Variants in CATSPERB observed in about 807,000 individuals in gnomAD.
CATSPERB encodes cation channel sperm-associated auxiliary subunit beta.
A neutral mutation model predicts 128.3 loss-of-function variants in CATSPERB; 93 were observed. The ratio of observed to expected loss-of-function variants is 0.72; its 90% confidence interval spans 0.61 to 0.86. CATSPERB has a LOEUF of 0.86. Among genes scored for constraint, CATSPERB ranks in the 40% least tolerant of loss-of-function variants. CATSPERB has a pLI of 0.00. For missense variants in CATSPERB, 1,153 were observed against 1,329.5 expected (o/e 0.87, Z 2.06); for synonymous variants, 381 against 448.8 (o/e 0.85, Z 1.91).
chr14:91,639,045 G>A, intron 16 of CATSPERB, 51 bp downstream of exon 16: 2 of 1,442,840 alleles, frequency 1.4e-6, no homozygotes, highest in Non-Finnish European at 9.7e-7. Context: ...TATTGAATGT[G>A]GCATCTATTC....
chr14:91,681,060 G>C (rs997832576), intron 11 of CATSPERB, among the ~76,000 whole-genome samples: 1 of 152,098 alleles, frequency 6.6e-6, no homozygotes, highest in African/African-American at 2.4e-5. Context: ...CAAGGTAAAC[G>C]GAGTCATATG....
At chr14:91,708,336 C>T (rs1344410743) in intron 5 of CATSPERB, 100 bp from the exon 6 acceptor site, 14 of 693,712 alleles carry the variant, frequency 2.0e-5, no homozygotes, top group Non-Finnish European at 3.2e-5. Flanking sequence ...ATAGCCTTTC[C>T]TTTTCCAACC....
intron 20 of CATSPERB, among the ~76,000 whole-genome samples, chr14:91,616,817 C>G (rs893455226): frequency 1.5e-5 from 2 of 137,790 alleles, no homozygotes; most frequent in African/African-American, 5.4e-5. Context: ...TCTCGGTTCA[C>G]TGCAACCTCT....
intron 18 of CATSPERB, among the ~76,000 whole-genome samples, chr14:91,622,796 T>A (rs1211540422): frequency 2.0e-5 from 3 of 152,106 alleles, no homozygotes; most frequent in African/African-American, 7.2e-5. Context: ...CTTTATTCAC[T>A]GTCTCCACTC....
chr14:91,627,461 T>C (rs909803785), intron 17 of CATSPERB, among the ~76,000 whole-genome samples: 1 of 152,180 alleles, frequency 6.6e-6, no homozygotes, highest in Non-Finnish European at 1.5e-5. Context: ...GCATTGTGCT[T>C]ACATGCAGGA....
At chr14:91,726,441 T>G (rs920032096) in intron 2 of CATSPERB, among the ~76,000 whole-genome samples, 1 of 152,132 alleles carries the variant, frequency 6.6e-6, no homozygotes, top group Non-Finnish European at 1.5e-5. Context: ...GCCAGGGAAC[T>G]CTCCCGTTTC....
chr14:91,669,785 A>T, intron 14 of CATSPERB, 29 bp downstream of exon 14: 3 of 1,590,950 alleles, frequency 1.9e-6, no homozygotes, highest in Non-Finnish European at 2.6e-6. Flanking sequence ...TTTAACTCTA[A>T]CACAGACTGA....
At chr14:91,673,867 G>GTCT (rs1240641164) in intron 12 of CATSPERB, among the ~76,000 whole-genome samples, 3 of 145,922 alleles carry the variant, frequency 2.1e-5, no homozygotes, top group Non-Finnish European at 3.0e-5. Flanking sequence ...TGGAGACAGA[G>GTCT]CGAGACTCTG....
At chr14:91,622,063 G>A in intron 18 of CATSPERB, 126 bp from the exon 19 acceptor site, 1 of 579,604 alleles carries the variant, frequency 1.7e-6, no homozygotes, top group South Asian at 3.5e-5. Context: ...AGAGAACACA[G>A]TTGCCAAATT....
At chr14:91,610,089 A>G (rs996554767) in intron 21 of CATSPERB, among the ~76,000 whole-genome samples, 3 of 152,196 alleles carry the variant, frequency 2.0e-5, no homozygotes, top group Admixed American at 2.0e-4. Flanking sequence ...AAATTCCAAA[A>G]GAAGTCCAAT....
intron 11 of CATSPERB, among the ~76,000 whole-genome samples, chr14:91,677,635 T>G (rs1387706399): frequency 6.6e-6 from 1 of 152,232 alleles, no homozygotes; most frequent in East Asian, 1.9e-4. Context: ...TCAGCCATTG[T>G]GGAGACAGTG....
At chr14:91,718,429 G>T (rs1895977223) in intron 5 of CATSPERB, among the ~76,000 whole-genome samples, 2 of 151,970 alleles carry the variant, frequency 1.3e-5, no homozygotes, top group African/African-American at 2.4e-5. Flanking sequence ...GACACAGTTT[G>T]GAATGTCCTT....
In CATSPERB at chr14:91,659,961, G is replaced by A. The variant is rs118179575; in HGVS notation, c.1308C>T (p.Gly436=). The A allele has an allele frequency of 1.7e-3, 2,669 of 1,583,334 alleles. 4 individuals carry two copies. Among genetic ancestry groups the A allele is most frequent in the Non-Finnish European group, 2.2e-3 (2,528 of 1,170,376 alleles). The stretch of plus-strand genomic sequence containing the variant: ...TAGCTATTAATTGAAAGGTGTTGCC[G>A]CCATCAACTGAAAGCCATATCTAAA... ...YGNQIWLSVD[G]GNTFQLIANF... The change falls in exon 15 of 27, where the codon GGC becomes GGT. Residue 436 remains glycine, a synonymous_variant. Coordinates refer to ENST00000256343, the MANE Select transcript of CATSPERB (RefSeq NM_024764.4).
At chr14:91,721,798 C>T (rs1016131440) in intron 4 of CATSPERB, among the ~76,000 whole-genome samples, 2 of 150,458 alleles carry the variant, frequency 1.3e-5, no homozygotes, top group African/African-American at 4.9e-5. Flanking sequence ...TGCAGTGAGC[C>T]GAGATCGCAC....
chr14:91,669,704 C>T (rs1010441522), intron 14 of CATSPERB, 110 bp downstream of exon 14: 6 of 1,036,730 alleles, frequency 5.8e-6, no homozygotes, highest in East Asian at 2.8e-5. Flanking sequence ...TTCCCTCCCA[C>T]TGCCATCTCT....
At chr14:91,675,874 T>C (rs1184801050) in intron 11 of CATSPERB, among the ~76,000 whole-genome samples, 2 of 152,160 alleles carry the variant, frequency 1.3e-5, no homozygotes, top group African/African-American at 4.8e-5. Flanking sequence ...CCAAATCTTA[T>C]GGGGGAAAGA....
chr14:91,722,891 A>G (rs929413127), intron 4 of CATSPERB, among the ~76,000 whole-genome samples, 158 bp downstream of exon 4: 1 of 152,178 alleles, frequency 6.6e-6, no homozygotes, highest in African/African-American at 2.4e-5. Flanking sequence ...TTAAAAATAT[A>G]TGACTGTTTA....
intron 19 of CATSPERB, among the ~76,000 whole-genome samples, chr14:91,620,159 T>C (rs547722966): frequency 2.0e-5 from 3 of 152,246 alleles, no homozygotes; most frequent in Non-Finnish European, 4.4e-5. Flanking sequence ...TTTGATTTTT[T>C]ACGGGAAATT....
intron 17 of CATSPERB, among the ~76,000 whole-genome samples, chr14:91,628,331 A>G (rs1193188035): frequency 6.6e-6 from 1 of 152,208 alleles, no homozygotes; most frequent in East Asian, 1.9e-4. Flanking sequence ...ACAATAAGAA[A>G]GTGTACAACC....
Sources: gnomAD v4.1 joint callset for allele counts (sites outside exome capture counted in the v4.1 genomes callset) on GRCh38, gnomAD v4.1.1 for gene constraint, MANE v1.5 for transcripts, NCBI Gene and HGNC (gene_info 2026-07-23, HGNC 2026-07-21) for gene names.